DNAH11: variants seen among roughly 807,000 people sequenced by gnomAD.
DNAH11 encodes the protein dynein axonemal heavy chain 11, also known as axonemal beta dynein heavy chain 11.
DNAH11 carries 442 observed loss-of-function variants against 526.0 expected under a neutral mutation model. The ratio of observed to expected loss-of-function variants is 0.84; its 90% CI spans 0.78 to 0.91. DNAH11 has a LOEUF of 0.91. DNAH11 is among the 40% of genes least tolerant of loss of function. The pLI is 0.00. For missense variants in DNAH11, 6,989 were observed against 5,448.7 expected, an observed-to-expected ratio of 1.28 and a Z score of -8.90; for synonymous variants, 2,461 against 1,935.9, an observed-to-expected ratio of 1.27 and a Z score of -7.12.
intron 8 of DNAH11, among the ~76,000 whole-genome samples, chr7:21,573,546 A>G (rs1783974464): frequency 6.6e-6 from 1 of 152,290 alleles, no homozygotes; most frequent in East Asian, 1.9e-4. Context: ...TATTACTTTA[A>G]AATATTGCAT....
intron 28 of DNAH11, among the ~76,000 whole-genome samples, chr7:21,647,763 G>GA (rs1006856926): frequency 4.0e-5 from 6 of 150,882 alleles, no homozygotes; most frequent in African/African-American, 1.2e-4. Context: ...TGTACTGAAA[G>GA]AAAAAAAACA....
intron 5 of DNAH11, chr7:21,561,530 C>T (rs1783459417): frequency 6.0e-6 from 1 of 167,684 alleles, no homozygotes; most frequent in African/African-American, 2.4e-5. Context: ...CAGTTCAGTT[C>T]TCTGAGTGTG....
chr7:21,663,089 G>A (rs895064363), intron 30 of DNAH11, among the ~76,000 whole-genome samples: 1 of 152,040 alleles, frequency 6.6e-6, no homozygotes, highest in Non-Finnish European at 1.5e-5. Flanking sequence ...ATTTGTCTAT[G>A]TCTCACTTGT....
chr7:21,816,532 C>T lies in DNAH11; in HGVS notation c.10398C>T (p.Ala3466=), dbSNP rs748648201. ...TGTTGACGGATGATGCTACAATTGC[C>T]GCCTGGAATAACGAAGGACTGCCCA... The part of the protein sequence containing the change: ...ISMLTDDATI[A]AWNNEGLPSD... Residue 3466 remains alanine (A), a synonymous_variant, in exon 64 of 82, where the codon GCC becomes GCT. Transcript: ENST00000409508. The T allele has an allele frequency of 7.7e-5, 124 of 1,612,610 alleles. No homozygotes were observed. The highest frequency in any genetic ancestry group is 9.8e-5 in the Non-Finnish European group (116 of 1,179,530).
chr7:21,811,294 C>CA (rs1380724370), intron 63 of DNAH11, among the ~76,000 whole-genome samples: 15 of 151,274 alleles, frequency 9.9e-5, no homozygotes, highest in African/African-American at 2.9e-4. Flanking sequence ...GAAACCCCCC[C>CA]CCCTACTAAA....
In DNAH11 at chr7:21,683,781, T is replaced by C. The variant is rs1351370897; in HGVS notation, c.5461-3T>C. The C allele has an allele frequency of 6.3e-7, 1 of 1,599,946 alleles. No homozygotes were observed. Among genetic ancestry groups the C allele is most frequent in the East Asian group, 2.2e-5 (1 of 44,752 alleles). On this transcript the variant is annotated splice_polypyrimidine_tract_variant and splice_region_variant and intron_variant, in intron 31 of 81. Coordinates refer to ENST00000409508, the MANE Select transcript of DNAH11 (RefSeq NM_001277115.2). ...GCGTATGATGATTATGCAATGCCTTTAGGTTGTCAGTCCCCAAGCTTTTAC... is the reference window on the plus strand; with the variant it reads ...GCGTATGATGATTATGCAATGCCTTCAGGTTGTCAGTCCCCAAGCTTTTAC...
chr7:21,644,985 C>T (rs759787944), intron 28 of DNAH11, among the ~76,000 whole-genome samples: 1 of 152,076 alleles, frequency 6.6e-6, no homozygotes, highest in African/African-American at 2.4e-5. Flanking sequence ...ACAATTTTTT[C>T]TTCATTTTGC....
At chr7:21,866,971 A>C (rs1312640038) in intron 71 of DNAH11, among the ~76,000 whole-genome samples, 4 of 152,240 alleles carry the variant, frequency 2.6e-5, no homozygotes, top group Non-Finnish European at 4.4e-5. Flanking sequence ...AGGAACATGC[A>C]TTCATGCATT....
intron 77 of DNAH11, 150 bp downstream of exon 77, chr7:21,892,817 C>A (rs1228717754): frequency 1.1e-6 from 1 of 927,890 alleles, no homozygotes; most frequent in Admixed American, 2.9e-5. Context: ...TTCCAACACT[C>A]CAGAAGGATA....
chr7:21,872,654 C>T (rs534738211), intron 73 of DNAH11, among the ~76,000 whole-genome samples: 4 of 152,254 alleles, frequency 2.6e-5, no homozygotes, highest in Admixed American at 1.3e-4. Context: ...AGAATGACAA[C>T]GGTGGTGGCA....
intron 65 of DNAH11, among the ~76,000 whole-genome samples, chr7:21,826,649 C>T (rs1399905717): frequency 2.0e-5 from 3 of 151,454 alleles, no homozygotes; most frequent in African/African-American, 7.3e-5. Context: ...GGTTTACAAA[C>T]ATTTTCCTTG....
At chr7:21,814,979 G>A (rs572172287) in intron 63 of DNAH11, among the ~76,000 whole-genome samples, 5 of 152,200 alleles carry the variant, frequency 3.3e-5, no homozygotes, top group African/African-American at 1.2e-4. Flanking sequence ...CTATAGTTAT[G>A]ATATTCTTTA....
chr7:21,712,676 A>C (rs767201716), intron 42 of DNAH11, among the ~76,000 whole-genome samples: 25 of 152,228 alleles, frequency 1.6e-4, no homozygotes, highest in Non-Finnish European at 2.6e-4. Context: ...TTCTTTGGAA[A>C]AATGTTCATG....
At chr7:21,748,518 G>T (rs1786256188) in intron 51 of DNAH11, 62 bp from the exon 52 acceptor site, 1 of 1,364,106 alleles carries the variant, frequency 7.3e-7, no homozygotes. Flanking sequence ...AAAATAAACA[G>T]AACAGACATA....
chr7:21,718,344 C>G (rs934525183), intron 43 of DNAH11, among the ~76,000 whole-genome samples: 3 of 152,062 alleles, frequency 2.0e-5, no homozygotes, highest in African/African-American at 7.2e-5. Context: ...AAGTAACTTG[C>G]CCAGAGAAGG....
At chr7:21,738,605 A>G (rs2128489970) in intron 46 of DNAH11, 96 bp from the exon 47 acceptor site, 3 of 1,293,032 alleles carry the variant, frequency 2.3e-6, no homozygotes, top group Non-Finnish European at 2.1e-6. Flanking sequence ...CACAGGGTGG[A>G]TGAAATCGAC....
At chr7:21,615,634 G>A (rs2128452407) in intron 21 of DNAH11, among the ~76,000 whole-genome samples, 1 of 152,014 alleles carries the variant, frequency 6.6e-6, no homozygotes, top group East Asian at 1.9e-4. Context: ...ATACTTACAT[G>A]CCTGGGCATA....
At chr7:21,688,320 A>G (rs574659932) in intron 34 of DNAH11, among the ~76,000 whole-genome samples, 1 of 152,308 alleles carries the variant, frequency 6.6e-6, no homozygotes, top group East Asian at 1.9e-4. Context: ...AATGCAAAGT[A>G]CCTGGAAAAA....
chr7:21,681,594 C>T lies in DNAH11; in HGVS notation c.5377C>T (p.Pro1793Ser), dbSNP rs1583589364. The part of the protein sequence containing the change: ...LITLLLGELP[P>S]GDRQKIMTIC... ...TACACTTTTGCTGGGAGAACTTCCACCTGGAGACAGACAGAAGATCATGAC... is the reference window on the plus strand; with the variant it reads ...TACACTTTTGCTGGGAGAACTTCCATCTGGAGACAGACAGAAGATCATGAC... The change falls in exon 31 of 82, where the codon CCT becomes TCT. Residue 1793 changes from proline to serine, a missense_variant. Physicochemically the swap from Pro to Ser is moderately conservative, Grantham distance 74. Coordinates refer to ENST00000409508, the MANE Select transcript of DNAH11 (RefSeq NM_001277115.2). 1 of 1,613,770 alleles carries T rather than the reference C, an allele frequency of 6.2e-7. No homozygotes were observed.
Sources: gnomAD v4.1 joint callset for allele counts (sites outside exome capture counted in the v4.1 genomes callset) on GRCh38, gnomAD v4.1.1 for gene constraint, MANE v1.5 for transcripts, NCBI Gene and HGNC (gene_info 2026-07-23, HGNC 2026-07-21) for gene names.